Variants in RANBP9 observed in about 807,000 individuals in gnomAD.
The protein encoded by RANBP9 is ran-binding protein 9.
A neutral mutation model predicts 84.3 loss-of-function variants in RANBP9; 15 were observed. That is an observed-to-expected ratio of 0.18 (90% CI 0.12 to 0.27). The LOEUF is 0.27. RANBP9 is among the 10% of genes least tolerant of loss of function. RANBP9 has a pLI of 1.00. For synonymous variants in RANBP9, 392 were observed against 349.6 expected, an observed-to-expected ratio of 1.12 and a Z score of -1.35; for missense variants, 809 against 912.8, an observed-to-expected ratio of 0.89 and a Z score of 1.46.
intron 1 of RANBP9, among the ~76,000 whole-genome samples, chr6:13,700,575 GCTC>G (rs1430211113): frequency 2.0e-5 from 3 of 152,108 alleles, no homozygotes; most frequent in African/African-American, 7.2e-5. Context: ...CTTGGTTGAA[GCTC>G]CTTTTTACAA....
intron 2 of RANBP9, among the ~76,000 whole-genome samples, chr6:13,659,242 CCACACACA>C (rs1340419495): frequency 9.5e-5 from 10 of 105,766 alleles, no homozygotes; most frequent in South Asian, 3.1e-4. Context: ...AATTTAGACC[CCACACACA>C]CACACATACA....
intron 2 of RANBP9, among the ~76,000 whole-genome samples, chr6:13,685,049 C>T (rs1173710287): frequency 3.9e-5 from 6 of 152,176 alleles, no homozygotes; most frequent in African/African-American, 1.4e-4. Flanking sequence ...CAAGGTCTCT[C>T]CCACCCAAAC....
In RANBP9 at chr6:13,711,648, G is replaced by T. The variant is rs948924770; in HGVS notation, c.-143C>A. The T allele has an allele frequency of 1.2e-5, 9 of 725,490 alleles. No individual in the cohort carries two copies. The highest frequency in any genetic ancestry group is 1.7e-5 in the Non-Finnish European group (9 of 543,922). The allele number at this position is 725,490 out of a possible 1,614,324, so 44.9% of individuals were successfully genotyped here. ...GCAGGCGGCGGGCCGCGCGCCCAGG[G>T]AGACCGCGGCGGTTGAGGAGCTCGG... On this transcript the variant is annotated 5_prime_UTR_variant, in exon 1 of 14. Transcript: ENST00000011619.
intron 12 of RANBP9, among the ~76,000 whole-genome samples, chr6:13,626,290 A>G (rs1190793648): frequency 6.6e-6 from 1 of 152,100 alleles, no homozygotes; most frequent in African/African-American, 2.4e-5. Context: ...CTCAAGCCAC[A>G]CCTCTTCAAA....
intron 2 of RANBP9, among the ~76,000 whole-genome samples, chr6:13,685,133 T>A (rs1410866746): frequency 6.6e-6 from 1 of 152,202 alleles, no homozygotes; most frequent in African/African-American, 2.4e-5. Context: ...GCATACCCCT[T>A]CTTGTGATCC....
chr6:13,637,659 G>A (rs1458456514), intron 10 of RANBP9, 149 bp downstream of exon 10: 1 of 695,678 alleles, frequency 1.4e-6, no homozygotes, highest in Middle Eastern at 4.5e-4. Context: ...TTGGGGAACT[G>A]ACTCCCTACG....
chr6:13,710,807 G>C, intron 1 of RANBP9, 128 bp downstream of exon 1: 1 of 1,010,532 alleles, frequency 9.9e-7, no homozygotes, highest in African/African-American at 1.7e-5. Context: ...CAGCACAACA[G>C]GCGGCGAGTG....
chr6:13,662,270 A>C (rs1395845264), intron 2 of RANBP9, among the ~76,000 whole-genome samples: 2 of 152,246 alleles, frequency 1.3e-5, no homozygotes, highest in African/African-American at 2.4e-5. Flanking sequence ...AAAAATATCC[A>C]TGCTCAAAAG....
chr6:13,689,478 T>TG (rs2113345432), intron 2 of RANBP9, among the ~76,000 whole-genome samples: 1 of 152,114 alleles, frequency 6.6e-6, no homozygotes, highest in South Asian at 2.1e-4. Context: ...CACTATATGT[T>TG]GGTCAGGCTA....
intron 2 of RANBP9, among the ~76,000 whole-genome samples, chr6:13,682,139 G>A (rs1766058357): frequency 1.3e-5 from 2 of 151,790 alleles, no homozygotes; most frequent in Admixed American, 1.3e-4. Context: ...TGGGATTACA[G>A]GCGTGAGCCA....
chr6:13,701,245 C>T (rs1029972813), intron 1 of RANBP9, among the ~76,000 whole-genome samples: 7 of 152,170 alleles, frequency 4.6e-5, no homozygotes, highest in African/African-American at 1.4e-4. Flanking sequence ...CTTCCATACT[C>T]CCACACTGGA....
intron 2 of RANBP9, among the ~76,000 whole-genome samples, chr6:13,683,957 T>TTC (rs1175593042): frequency 1.1e-4 from 17 of 152,150 alleles, no homozygotes; most frequent in African/African-American, 3.9e-4. Context: ...TAACCAATTT[T>TTC]TCTCTCCACC....
intron 2 of RANBP9, among the ~76,000 whole-genome samples, chr6:13,665,647 T>C (rs1262683015): frequency 6.6e-6 from 1 of 152,138 alleles, no homozygotes; most frequent in Non-Finnish European, 1.5e-5. Flanking sequence ...AAAATGAAGA[T>C]GTGTCTACCA....
intron 2 of RANBP9, among the ~76,000 whole-genome samples, chr6:13,679,795 T>C: frequency 6.7e-6 from 1 of 149,932 alleles, no homozygotes; most frequent in East Asian, 1.9e-4. Context: ...TATAAAACTA[T>C]GGAGACTGAG....
At chr6:13,646,966 T>TTAA (rs1212972239) in intron 5 of RANBP9, among the ~76,000 whole-genome samples, 1 of 152,198 alleles carries the variant, frequency 6.6e-6, no homozygotes, top group Non-Finnish European at 1.5e-5. Flanking sequence ...ATAAAATCAA[T>TTAA]TAAAAGTTCA....
intron 4 of RANBP9, 90 bp downstream of exon 4, chr6:13,657,019 G>T (rs1371118748): frequency 2.3e-5 from 28 of 1,232,528 alleles, no homozygotes; most frequent in Non-Finnish European, 3.0e-5. Context: ...CATCTATAAA[G>T]GAGAATCACA....
At chr6:13,668,235 T>C (rs1411579056) in intron 2 of RANBP9, among the ~76,000 whole-genome samples, 1 of 152,078 alleles carries the variant, frequency 6.6e-6, no homozygotes, top group Non-Finnish European at 1.5e-5. Flanking sequence ...CTACTGAAAC[T>C]GCATAGTAAT....
intron 5 of RANBP9, among the ~76,000 whole-genome samples, chr6:13,646,281 T>A (rs1434631046): frequency 6.6e-6 from 1 of 152,100 alleles, no homozygotes; most frequent in Non-Finnish European, 1.5e-5. Context: ...TGGTGGCGCA[T>A]GCCTGTAATC....
intron 2 of RANBP9, among the ~76,000 whole-genome samples, chr6:13,691,709 G>T (rs1766325978): frequency 6.6e-6 from 1 of 151,998 alleles, no homozygotes; most frequent in Non-Finnish European, 1.5e-5. Context: ...ACAGTCACCT[G>T]GGACGGAGTG....
Sources: gnomAD v4.1 joint callset for allele counts (sites outside exome capture counted in the v4.1 genomes callset) on GRCh38, gnomAD v4.1.1 for gene constraint, MANE v1.5 for transcripts, NCBI Gene and HGNC (gene_info 2026-07-23, HGNC 2026-07-21) for gene names.